RYR2: variants seen among roughly 807,000 people sequenced by gnomAD.
RYR2 encodes cardiac muscle ryanodine receptor-calcium release channel.
A neutral mutation model predicts 601.1 loss-of-function variants in RYR2; 227 were observed. The observed-to-expected ratio is 0.38, with a 90% CI of 0.34 to 0.42. The LOEUF is 0.42. Ranked by LOEUF, RYR2 falls within the 10% of genes least tolerant of loss-of-function variation. RYR2 has a pLI of 1.00. For synonymous variants in RYR2, 2,223 were observed against 2,175.1 expected (o/e 1.02, Z -0.61); for missense variants, 4,646 against 6,156.5 (o/e 0.75, Z 8.21).
At chr1:237,664,481 G>T (rs1236664770) in intron 56 of RYR2, among the ~76,000 whole-genome samples, 1 of 152,196 alleles carries the variant, frequency 6.6e-6, no homozygotes, top group Non-Finnish European at 1.5e-5. Context: ...TCACACTCAT[G>T]GTGGAAGGTA....
At chr1:237,114,253 T>C in intron 1 of RYR2, among the ~76,000 whole-genome samples, 1 of 152,220 alleles carries the variant, frequency 6.6e-6, no homozygotes, top group Non-Finnish European at 1.5e-5. Context: ...TTGGCCCAGA[T>C]GCCACCAAAT....
chr1:237,659,094 A>C (rs1683524683), intron 54 of RYR2, among the ~76,000 whole-genome samples: 1 of 152,206 alleles, frequency 6.6e-6, no homozygotes, highest in Non-Finnish European at 1.5e-5. Context: ...CAGACACCAA[A>C]GGTTGCTTCC....
Position 237,674,765 on chromosome 1 carries a change from A to G in RYR2, c.8749A>G (p.Ile2917Val), listed in dbSNP as rs981753891. ...FKDLELDTPS[I>V]EKRFAYSFLQ... ...GGACCTGGAACTGGACACGCCTTCTATTGAGAAACGATTTGCCTATAGTTT... is the reference window on the plus strand; with the variant it reads ...GGACCTGGAACTGGACACGCCTTCTGTTGAGAAACGATTTGCCTATAGTTT... Residue 2917 changes from isoleucine to valine, a missense_variant, in exon 60 of 105, where the codon ATT (isoleucine) becomes GTT (valine). Coordinates refer to ENST00000366574, the MANE Select transcript of RYR2 (RefSeq NM_001035.3). The G allele has an allele frequency of 4.3e-6, 7 of 1,612,254 alleles. No individual in the cohort carries two copies. Among genetic ancestry groups the G allele is most frequent in the Middle Eastern group, 1.6e-4 (1 of 6,076 alleles).
intron 24 of RYR2, among the ~76,000 whole-genome samples, chr1:237,512,631 G>A (rs576203972): frequency 1.1e-4 from 16 of 152,256 alleles, no homozygotes; most frequent in Non-Finnish European, 7.4e-5. Context: ...CCAGCCCTTC[G>A]GAAGGCCAAG....
At chr1:237,058,794 A>AGGGGCGGG in intron 1 of RYR2, among the ~76,000 whole-genome samples, 1 of 13,604 alleles carries the variant, frequency 7.4e-5, no homozygotes, top group African/African-American at 2.8e-4. Context: ...GGTCTGGAGA[A>AGGGGCGGG]GGGGCGGGGG....
chr1:237,534,470 A>G (rs1668415069), intron 25 of RYR2, among the ~76,000 whole-genome samples: 1 of 152,070 alleles, frequency 6.6e-6, no homozygotes, highest in Non-Finnish European at 1.5e-5. Context: ...TAAAAGCTTG[A>G]CATATATAGA....
rs1046280600 is a variant in RYR2, at chr1:237,726,146, C to T, written c.10690-127C>T. 6.3e-5 allele frequency: 43 copies of T among 686,462 alleles called. 1 individual carries two copies. The South Asian group carries it at 7.4e-4, about 12-fold the overall frequency. 42.5% of individuals were successfully genotyped at this position (686,462 alleles called of 1,614,324 possible). On this transcript the variant is annotated intron_variant, in intron 74 of 104. Coordinates refer to ENST00000366574, the MANE Select transcript of RYR2 (RefSeq NM_001035.3). ...AGTTGCCTCGTGAAAATTTCTAAAC[C>T]ACCGCAGTCCAAACATTTTAAATGT...
chr1:237,752,766 C>A (rs1004186967), intron 80 of RYR2, among the ~76,000 whole-genome samples: 1 of 152,092 alleles, frequency 6.6e-6, no homozygotes, highest in African/African-American at 2.4e-5. Context: ...CTTTTTATTT[C>A]GTATAATATT....
At chr1:237,361,987 T>C (rs1699819382) in intron 4 of RYR2, among the ~76,000 whole-genome samples, 1 of 152,180 alleles carries the variant, frequency 6.6e-6, no homozygotes, top group East Asian at 1.9e-4. Flanking sequence ...CGAAAGATGA[T>C]TCTGCTTCTT....
At chr1:237,455,688 G>C (rs923074741) in intron 15 of RYR2, among the ~76,000 whole-genome samples, 1 of 152,048 alleles carries the variant, frequency 6.6e-6, no homozygotes, top group Non-Finnish European at 1.5e-5. Flanking sequence ...CATCAGAAAC[G>C]CTTGAAACTG....
Position 237,722,984 on chromosome 1 carries a change from T to A in RYR2, c.10555-144T>A, listed in dbSNP as rs1689875566. On this transcript the variant is annotated intron_variant, in intron 73 of 104. Transcript: ENST00000366574. ...GATCTCCAGACCTGTTCATCCTACA[T>A]AACTGCAGCTGCGCGTCATGTCTTA... 7.8e-6 allele frequency: 5 copies of A among 640,006 alleles called. No individual in the cohort carries two copies. The East Asian group carries it at 1.3e-4, about 16-fold the overall frequency. The allele number at this position is 640,006 out of a possible 1,614,324, so 39.6% of individuals were successfully genotyped here. A position where few individuals can be genotyped will look rare whatever the true frequency, so the allele number is the denominator to read the frequency against.
rs539519983 is a variant in RYR2 at position 237,309,921 on chromosome 1, G to C, written c.169-20957G>C. On this transcript the variant is annotated intron_variant, in intron 2 of 104. Coordinates refer to ENST00000366574, the MANE Select transcript of RYR2 (RefSeq NM_001035.3). ...CGGCAGTGCCAGCCAGCCACTCCGA[G>C]TGCGGGACCCGCCGAGCCCACGCTC... 6.1e-4 allele frequency among the ~76,000 whole-genome samples: 93 copies of C among 152,316 alleles called. No homozygotes were observed. In the Middle Eastern group the frequency reaches 0.01, roughly 17 times the overall value.
In RYR2 at chr1:237,503,438, A is replaced by G; in HGVS notation, c.2546A>G (p.Asp849Gly). Residue 849 changes from aspartate (D) to glycine (G), a missense_variant, in exon 22 of 105, where the codon GAC becomes GGC. Asp to Gly is a moderately conservative substitution (Grantham distance 94). This residue lies in a region of RYR2 where 1,807 missense variants were observed against 2,088.1 expected (regional missense o/e 0.87). Coordinates refer to ENST00000366574, the MANE Select transcript of RYR2 (RefSeq NM_001035.3). ...AAGCAAGAAAGAACTTACACACGCG[A>G]CCTGCTGGGCCCCACAGTTTCCCTG... ...EYKQERTYTR[D>G]LLGPTVSLTQ... 1 of 1,613,896 alleles carries G rather than the reference A, an allele frequency of 6.2e-7. No homozygotes were observed. Among genetic ancestry groups the G allele is most frequent in the Non-Finnish European group, 8.5e-7 (1 of 1,179,876 alleles).
At chr1:237,830,202 T>C (rs1663617251) in intron 102 of RYR2, 1 of 233,310 alleles carries the variant, frequency 4.3e-6, no homozygotes, top group South Asian at 5.9e-5. Flanking sequence ...GTCAATGTCA[T>C]GAACAAGAGT....
At position 237,674,218 on chromosome 1, in the gene RYR2, A is replaced by G; in HGVS notation, c.8713A>G (p.Arg2905Gly). 6.2e-7 allele frequency: 1 copy of G among 1,609,572 alleles called. No homozygotes were observed. Among genetic ancestry groups the G allele is most frequent in the Admixed American group, 1.7e-5 (1 of 59,904 alleles). Residue 2905 changes from arginine to glycine, a missense_variant and splice_region_variant, in exon 59 of 105, where the codon AGA becomes GGA. This residue lies in a region of RYR2 where 1,497 missense variants were observed against 1,842.6 expected (regional missense o/e 0.81). Coordinates refer to ENST00000366574, the MANE Select transcript of RYR2 (RefSeq NM_001035.3). ...FLQINGYAVSRGFKDLELDTP... is the reference protein window; with the variant it reads ...FLQINGYAVSGGFKDLELDTP... ...GCAGATCAATGGATATGCTGTATCCAGGTAAAAGTACACATACCCTAAGTA... is the reference window on the plus strand; with the variant it reads ...GCAGATCAATGGATATGCTGTATCCGGGTAAAAGTACACATACCCTAAGTA...
At chr1:237,073,629 G>A (rs1306352539) in intron 1 of RYR2, among the ~76,000 whole-genome samples, 4 of 152,250 alleles carry the variant, frequency 2.6e-5, no homozygotes, top group Non-Finnish European at 4.4e-5. Flanking sequence ...CCCACACTTT[G>A]GGAGGCTGAA....
chr1:237,286,853 C>A lies in RYR2; in HGVS notation c.168+16237C>A, dbSNP rs548553798. 5.9e-5 allele frequency among the ~76,000 whole-genome samples: 9 copies of A among 151,364 alleles called. No individual in the cohort carries two copies. The South Asian group carries it at 1.0e-3, about 18-fold the overall frequency. ...CTTGCATTCATCCAGCCCTTTGTTG[C>A]CTGTGTACTTCATTTTTTAAATATG... On this transcript the variant is annotated intron_variant, in intron 2 of 104. Transcript: ENST00000366574.
At chr1:237,703,719 A>G (rs1439414797) in intron 66 of RYR2, among the ~76,000 whole-genome samples, 1 of 151,170 alleles carries the variant, frequency 6.6e-6, no homozygotes, top group Non-Finnish European at 1.5e-5. Context: ...TCAATCAATT[A>G]TTTCATGTAT....
intron 17 of RYR2, among the ~76,000 whole-genome samples, chr1:237,485,581 G>C (rs1662593764): frequency 6.6e-6 from 1 of 152,202 alleles, no homozygotes; most frequent in Non-Finnish European, 1.5e-5. Context: ...GTCTTAGACG[G>C]TGGGAGTGTA....
Sources: allele counts gnomAD v4.1 joint callset (sites outside exome capture counted in the v4.1 genomes callset), GRCh38; gene constraint gnomAD v4.1.1; regional missense constraint gnomAD v4.1.1; transcripts MANE v1.5; gene names NCBI Gene and HGNC (gene_info 2026-07-23, HGNC 2026-07-21).